Variants in NOL4 observed in about 807,000 individuals in gnomAD.
NOL4 encodes the protein nucleolar protein 4.
In NOL4, 17 loss-of-function variants were observed where a neutral mutation model predicts 75.9. The observed-to-expected ratio is 0.22, with a 90% CI of 0.15 to 0.34. The LOEUF (loss-of-function observed/expected upper bound fraction) is 0.34. Ranked by LOEUF, NOL4 falls within the 10% of genes least tolerant of loss-of-function variation. The pLI is 1.00. For missense variants in NOL4, 614 were observed against 793.5 expected (o/e 0.77, Z 2.72); for synonymous variants, 292 against 289.9 (o/e 1.01, Z -0.07).
chr18:33,953,687 T>C (rs1029616037), intron 8 of NOL4, among the ~76,000 whole-genome samples: 1 of 152,006 alleles, frequency 6.6e-6, no homozygotes, highest in Non-Finnish European at 1.5e-5. Context: ...GGAATATCAG[T>C]GGAGAAAATA....
intron 5 of NOL4, among the ~76,000 whole-genome samples, chr18:34,046,288 T>A (rs569447336): frequency 1.5e-4 from 23 of 152,108 alleles, no homozygotes; most frequent in Middle Eastern, 6.8e-3. Flanking sequence ...AAGCATTGCC[T>A]TTCGAGAGAG....
chr18:33,852,890 T>C lies in NOL4; in HGVS notation c.1869A>G (p.Leu623=). The C allele has an allele frequency of 6.2e-7, 1 of 1,613,012 alleles. No individual in the cohort carries two copies. The highest frequency in any genetic ancestry group is 8.5e-7 in the Non-Finnish European group (1 of 1,179,410). The change falls in exon 11 of 11, where the codon TTA becomes TTG. Residue 623 remains leucine, a synonymous_variant. Transcript: ENST00000261592. ...VAGYRESAAF[L]LRSADELENL... Reference sequence around the variant, plus strand: ...TTTCCAGTTCATCTGCAGATCGCAATAAAAATGCAGCTGATTCTCGATATC... The same window carrying C: ...TTTCCAGTTCATCTGCAGATCGCAACAAAAATGCAGCTGATTCTCGATATC...
rs561761768 is a variant in NOL4 at position 33,902,608 on chromosome 18, A to C, written c.1543-19184T>G. Among the ~76,000 whole-genome samples the C allele has an allele frequency of 5.3e-5, 8 of 152,246 alleles. No homozygotes were observed. The South Asian group carries it at 1.7e-3, about 32-fold the overall frequency. On this transcript the variant is annotated intron_variant, in intron 9 of 10. Transcript: ENST00000261592. The stretch of plus-strand genomic sequence containing the variant: ...TAAGAGTCATGCATTTCCATGACAT[A>C]CTAATAACCTGGGACACACTTTTCC...
intron 1 of NOL4, among the ~76,000 whole-genome samples, chr18:34,209,665 A>G (rs1224465396): frequency 6.6e-6 from 1 of 152,162 alleles, no homozygotes; most frequent in Non-Finnish European, 1.5e-5. Context: ...AACTCACAAG[A>G]AATTGAAGTA....
chr18:34,187,370 C>CTTTT lies in NOL4; in HGVS notation c.264+35616_264+35619dup, dbSNP rs545524361. Among the ~76,000 whole-genome samples, 611 of 78,312 alleles carry CTTTT rather than the reference C, an allele frequency of 7.8e-3. 3 individuals carry two copies. Among genetic ancestry groups the CTTTT allele is most frequent in the African/African-American group, 0.017 (283 of 16,172 alleles). 51.4% of individuals were successfully genotyped at this position (78,312 alleles called of 152,430 possible). ...CTTTTCATGGTTTAATAGTCCACTT[C>CTTTT]TTTTTTTTTTTTTTTTTTTTTTTTT... On this transcript the variant is annotated intron_variant, in intron 1 of 10. Coordinates refer to ENST00000261592, the MANE Select transcript of NOL4 (RefSeq NM_003787.5).
chr18:33,887,999 T>A (rs550155818), intron 9 of NOL4, among the ~76,000 whole-genome samples: 4 of 152,282 alleles, frequency 2.6e-5, no homozygotes, highest in East Asian at 3.9e-4. Flanking sequence ...CGCCACACTG[T>A]CTTCCACAAT....
At position 33,958,274 on chromosome 18, in the gene NOL4, C is replaced by T; in HGVS notation, c.1201G>A (p.Asp401Asn). Residue 401 changes from aspartate (D) to asparagine (N), a missense_variant, in exon 7 of 11, where the codon GAC (aspartate) becomes AAC (asparagine). Physicochemically the swap from Asp to Asn is conservative, Grantham distance 23. This residue lies in a region of NOL4 where 196 missense variants were observed against 167.9 expected (regional missense o/e 1.17). Transcript: ENST00000261592. ...HDDSEKVNETDGVEAERLKAF... is the reference protein window; with the variant it reads ...HDDSEKVNETNGVEAERLKAF... ...TTCAGCCGCTCGGCTTCAACGCCGTCTGTCTCATTAACTTTCTCCGAATCG... is the reference window on the plus strand; with the variant it reads ...TTCAGCCGCTCGGCTTCAACGCCGTTTGTCTCATTAACTTTCTCCGAATCG... 6.2e-7 allele frequency: 1 copy of T among 1,613,798 alleles called. No homozygotes were observed.
intron 1 of NOL4, among the ~76,000 whole-genome samples, chr18:34,175,693 G>T (rs2033482904): frequency 6.6e-6 from 1 of 152,032 alleles, no homozygotes; most frequent in African/African-American, 2.4e-5. Context: ...AGAATTTATT[G>T]GTTCCAAGCA....
chr18:34,008,300 G>T (rs1318009022), intron 6 of NOL4, among the ~76,000 whole-genome samples: 1 of 151,872 alleles, frequency 6.6e-6, no homozygotes, highest in African/African-American at 2.4e-5. Flanking sequence ...GCTGACAGCA[G>T]ATCATTGAAT....
At chr18:33,893,571 C>G (rs888807435) in intron 9 of NOL4, among the ~76,000 whole-genome samples, 1 of 152,116 alleles carries the variant, frequency 6.6e-6, no homozygotes, top group African/African-American at 2.4e-5. Context: ...GTTTCATTAA[C>G]TTTTCTAAAT....
chr18:34,124,331 A>C (rs1301722764), intron 2 of NOL4, among the ~76,000 whole-genome samples: 1 of 152,170 alleles, frequency 6.6e-6, no homozygotes, highest in Non-Finnish European at 1.5e-5. Context: ...TCAAACACAC[A>C]GTATTTTTAT....
At chr18:34,003,883 G>C (rs1473792417) in intron 6 of NOL4, among the ~76,000 whole-genome samples, 1 of 152,006 alleles carries the variant, frequency 6.6e-6, no homozygotes, top group African/African-American at 2.4e-5. Context: ...GGGGTCAGAC[G>C]TGCCTCATTA....
At chr18:33,914,076 A>G (rs1221364229) in intron 9 of NOL4, among the ~76,000 whole-genome samples, 4 of 152,162 alleles carry the variant, frequency 2.6e-5, no homozygotes, top group South Asian at 2.1e-4. Context: ...TATTTAAAAT[A>G]TGCATTTTAT....
chr18:33,857,610 A>T (rs1175393388), intron 10 of NOL4, among the ~76,000 whole-genome samples: 2 of 152,002 alleles, frequency 1.3e-5, no homozygotes, highest in Non-Finnish European at 2.9e-5. Context: ...ATTGTAATAA[A>T]ACTTTACCAG....
intron 5 of NOL4, among the ~76,000 whole-genome samples, chr18:34,060,248 T>C (rs2077016791): frequency 6.6e-6 from 1 of 152,182 alleles, no homozygotes. Flanking sequence ...TTCTACCAAG[T>C]GGTCATTAAT....
intron 2 of NOL4, among the ~76,000 whole-genome samples, chr18:34,111,114 A>G (rs886252021): frequency 8.5e-5 from 13 of 152,152 alleles, no homozygotes; most frequent in African/African-American, 2.4e-4. Flanking sequence ...GAAGAAATAA[A>G]TTGGCCCTTG....
At chr18:34,024,194 A>AAAAATATAT in intron 5 of NOL4, among the ~76,000 whole-genome samples, 4 of 70,672 alleles carry the variant, frequency 5.7e-5, no homozygotes, top group Non-Finnish European at 9.4e-5. Flanking sequence ...AAAAAAAAAA[A>AAAAATATAT]ATATATATAT....
intron 5 of NOL4, among the ~76,000 whole-genome samples, chr18:34,034,206 A>G (rs976406297): frequency 3.9e-5 from 6 of 152,212 alleles, no homozygotes; most frequent in African/African-American, 1.4e-4. Context: ...TAAGGAAAAA[A>G]TAAAGGAACA....
intron 6 of NOL4, among the ~76,000 whole-genome samples, chr18:34,000,849 C>G (rs930939462): frequency 1.3e-5 from 2 of 152,006 alleles, no homozygotes; most frequent in African/African-American, 4.8e-5. Context: ...TTTTTCTACT[C>G]AGAAGTACTG....
Sources: gnomAD v4.1 joint callset for allele counts (sites outside exome capture counted in the v4.1 genomes callset) on GRCh38, gnomAD v4.1.1 for gene constraint, gnomAD v4.1.1 regional missense constraint, MANE v1.5 for transcripts, NCBI Gene and HGNC (gene_info 2026-07-23, HGNC 2026-07-21) for gene names.